The following ZEB1 variants were observed in gnomAD, a reference collection of about 807,000 sequenced individuals.
The protein encoded by ZEB1 is zinc finger E-box-binding homeobox 1.
ZEB1 carries 21 observed loss-of-function variants against 84.9 expected under a neutral mutation model. The ratio of observed to expected loss-of-function variants is 0.25; its 90% CI spans 0.18 to 0.36. The LOEUF is 0.36. Among genes scored for constraint, ZEB1 ranks in the 10% least tolerant of loss-of-function variants. The pLI is 1.00. For missense variants in ZEB1, 1,104 were observed against 1,330.2 expected, an observed-to-expected ratio of 0.83 and a Z score of 2.65; for synonymous variants, 420 against 471.1, an observed-to-expected ratio of 0.89 and a Z score of 1.41.
At chr10:31,470,250 C>T (rs1370961321) in intron 2 of ZEB1, among the ~76,000 whole-genome samples, 12 of 151,238 alleles carry the variant, frequency 7.9e-5, no homozygotes, top group South Asian at 2.1e-4. Context: ...AGGCTTCAGA[C>T]GATCAAATTA....
intron 1 of ZEB1, among the ~76,000 whole-genome samples, chr10:31,416,988 C>T (rs76828405): frequency 0.015 from 2,302 of 152,266 alleles, 44 homozygotes; most frequent in African/African-American, 0.052. Flanking sequence ...TTTACCACAT[C>T]AGCATCCATG....
At chr10:31,487,180 A>G (rs953012569) in intron 2 of ZEB1, among the ~76,000 whole-genome samples, 6 of 151,432 alleles carry the variant, frequency 4.0e-5, no homozygotes, top group Non-Finnish European at 7.4e-5. Flanking sequence ...AAGTCTTAAA[A>G]TTGGAGGATG....
At chr10:31,400,267 T>C (rs1430578538) in intron 1 of ZEB1, among the ~76,000 whole-genome samples, 1 of 152,172 alleles carries the variant, frequency 6.6e-6, no homozygotes, top group Non-Finnish European at 1.5e-5. Context: ...TTAGTTAATA[T>C]TGATGAATTA....
chr10:31,443,424 T>A (rs530171354), intron 1 of ZEB1, among the ~76,000 whole-genome samples: 4 of 151,796 alleles, frequency 2.6e-5, no homozygotes, highest in Admixed American at 2.0e-4. Context: ...TTTTTTTTTT[T>A]ATTATACTTT....
intron 1 of ZEB1, chr10:31,389,685 A>G (rs1441842674): frequency 4.6e-5 from 7 of 152,162 alleles, no homozygotes; most frequent in East Asian, 3.8e-4. Context: ...CGAGCCATAA[A>G]TAGAAGCTAC....
intron 1 of ZEB1, among the ~76,000 whole-genome samples, chr10:31,459,857 G>A (rs1239962646): frequency 6.6e-6 from 1 of 150,932 alleles, no homozygotes; most frequent in Non-Finnish European, 1.5e-5. Flanking sequence ...GTGTGTGTGT[G>A]TGTGTGTGTG....
At position 31,437,727 on chromosome 10, in the gene ZEB1, C is replaced by G. The variant is rs1258058143; in HGVS notation, c.59-23310C>G. 2.0e-5 allele frequency among the ~76,000 whole-genome samples: 3 copies of G among 152,162 alleles called. No individual in the cohort carries two copies. The East Asian group carries it at 5.8e-4, about 29-fold the overall frequency. ...GGAGGATCCGTCCTCAAACTACATC[C>G]TTGGGGTTCATGATCTTTTTCTTTT... On this transcript the variant is annotated intron_variant, in intron 1 of 8. Coordinates refer to ENST00000424869, the MANE Select transcript of ZEB1 (RefSeq NM_001174096.2).
intron 2 of ZEB1, among the ~76,000 whole-genome samples, chr10:31,477,286 C>T (rs773676203): frequency 6.6e-6 from 1 of 151,904 alleles, no homozygotes; most frequent in East Asian, 1.9e-4. Context: ...GAACTCTATC[C>T]CATTTACAGT....
intron 1 of ZEB1, among the ~76,000 whole-genome samples, chr10:31,440,537 T>G (rs187999916): frequency 4.6e-5 from 7 of 152,032 alleles, no homozygotes; most frequent in South Asian, 2.1e-4. Context: ...ATTCAACATA[T>G]TGTTGGAAAT....
intron 1 of ZEB1, among the ~76,000 whole-genome samples, chr10:31,441,380 T>C (rs1030711058): frequency 6.6e-6 from 1 of 152,206 alleles, no homozygotes; most frequent in Non-Finnish European, 1.5e-5. Context: ...CTGGATCCTT[T>C]CCTTACACCT....
intron 1 of ZEB1, chr10:31,363,795 C>T (rs762845309): frequency 9.0e-6 from 12 of 1,326,604 alleles, no homozygotes; most frequent in South Asian, 6.3e-5. Context: ...GTGGGGTGCC[C>T]GTGTTCCGAG....
rs966128994 is a variant in ZEB1 at position 31,502,398 on chromosome 10, C to T, written c.373C>T (p.Pro125Ser). 1.2e-6 allele frequency: 2 copies of T among 1,613,688 alleles called. No homozygotes were observed. The highest frequency in any genetic ancestry group is 2.7e-5 in the African/African-American group (2 of 74,858). Residue 125 changes from proline (P) to serine (S), a missense_variant, in exon 4 of 9, where the codon CCT (proline) becomes TCT (serine). Coordinates refer to ENST00000424869, the MANE Select transcript of ZEB1 (RefSeq NM_001174096.2). Reference sequence around the variant, plus strand: ...TGCAGAAAATGAGCAAAACCATGATCCTAATGTTGAAGAGTTTCTACAACA... The same window carrying T: ...TGCAGAAAATGAGCAAAACCATGATTCTAATGTTGAAGAGTTTCTACAACA... Reference protein sequence around the residue: ...SDAENEQNHDPNVEEFLQQQD... With the variant: ...SDAENEQNHDSNVEEFLQQQD...
At chr10:31,376,514 A>G (rs2046649748) in intron 1 of ZEB1, among the ~76,000 whole-genome samples, 1 of 151,794 alleles carries the variant, frequency 6.6e-6, no homozygotes, top group Non-Finnish European at 1.5e-5. Context: ...TATTATATAC[A>G]TTATAAACGT....
intron 1 of ZEB1, among the ~76,000 whole-genome samples, chr10:31,418,008 C>T (rs2055507556): frequency 6.6e-6 from 1 of 151,842 alleles, no homozygotes; most frequent in East Asian, 1.9e-4. Flanking sequence ...GTCAAGCAAA[C>T]TTTTTTAGTA....
rs753424362 is a variant in ZEB1, at chr10:31,520,777, A to C, written c.1445A>C (p.Gln482Pro). The C allele has an allele frequency of 1.9e-6, 3 of 1,614,014 alleles. No homozygotes were observed. The part of the protein sequence containing the change: ...TKIIINYSLE[Q>P]PSQLQVVPQN... ...ATTATCATCAACTACAGTCTTGAGC[A>C]GCCTAGCCAACTTCAAGTTGTTCCT... The change falls in exon 7 of 9, where the codon CAG (glutamine) becomes CCG (proline). Residue 482 changes from glutamine to proline, a missense_variant. Coordinates refer to ENST00000424869, the MANE Select transcript of ZEB1 (RefSeq NM_001174096.2). The surrounding 1 kb of genome is among the most constrained non-coding windows in gnomAD (Gnocchi z 5.1).
At chr10:31,359,969 T>C (rs1406557378) in intron 1 of ZEB1, among the ~76,000 whole-genome samples, 1 of 152,228 alleles carries the variant, frequency 6.6e-6, no homozygotes, top group Admixed American at 6.5e-5. Context: ...CAGTAGCTAT[T>C]GTTGCTTTGC....
At chr10:31,500,322 A>G (rs747574633) in intron 3 of ZEB1, among the ~76,000 whole-genome samples, 1 of 152,134 alleles carries the variant, frequency 6.6e-6, no homozygotes, top group Non-Finnish European at 1.5e-5. Flanking sequence ...CCTAGGAATG[A>G]TGTTTGAGAA....
At chr10:31,339,466 ATTTT>A (rs1172611276) in intron 1 of ZEB1, among the ~76,000 whole-genome samples, 2 of 152,114 alleles carry the variant, frequency 1.3e-5, no homozygotes, top group Non-Finnish European at 1.5e-5. Context: ...GTAGACATTT[ATTTT>A]GTTAAGAACC....
chr10:31,344,662 T>C (rs2039982827), intron 1 of ZEB1, among the ~76,000 whole-genome samples: 1 of 152,128 alleles, frequency 6.6e-6, no homozygotes, highest in African/African-American at 2.4e-5. Flanking sequence ...TTACAGTTTG[T>C]TCGCTGTACC....
Sources: allele counts gnomAD v4.1 joint callset (sites outside exome capture counted in the v4.1 genomes callset), GRCh38; gene constraint gnomAD v4.1.1; non-coding constraint Gnocchi (gnomAD v3.1); transcripts MANE v1.5; gene names NCBI Gene and HGNC (gene_info 2026-07-23, HGNC 2026-07-21).